CNTLN: variants seen among roughly 807,000 people sequenced by gnomAD.
The protein encoded by CNTLN is centlein.
CNTLN carries 212 observed loss-of-function variants against 180.0 expected under a neutral mutation model. The observed-to-expected ratio is 1.18, with a 90% CI of 1.05 to 1.32. The LOEUF is 1.32. Among genes scored for constraint, CNTLN ranks in the 40% most tolerant of loss-of-function variants. CNTLN has a pLI of 0.00. For synonymous variants in CNTLN, 722 were observed against 563.1 expected (o/e 1.28, Z -3.99); for missense variants, 2,095 against 1,610.9 (o/e 1.30, Z -5.14).
At chr9:17,194,978 A>C (rs1034919858) in intron 2 of CNTLN, among the ~76,000 whole-genome samples, 3 of 152,158 alleles carry the variant, frequency 2.0e-5, no homozygotes, top group African/African-American at 7.2e-5. Flanking sequence ...ATTCACTACC[A>C]TGAGAACAGT....
At chr9:17,161,046 TG>T (rs2131586111) in intron 2 of CNTLN, among the ~76,000 whole-genome samples, 1 of 152,276 alleles carries the variant, frequency 6.6e-6, no homozygotes, top group East Asian at 1.9e-4. Context: ...AATACTATAA[TG>T]ATATTCATAT....
intron 17 of CNTLN, 37 bp downstream of exon 17, chr9:17,415,918 C>T (rs770563074): frequency 6.3e-7 from 1 of 1,584,882 alleles, no homozygotes; most frequent in Non-Finnish European, 8.6e-7. Flanking sequence ...ATGTCTTTTA[C>T]AATTTAAATC....
At chr9:17,144,666 TATAA>T (rs1432428996) in intron 2 of CNTLN, among the ~76,000 whole-genome samples, 1 of 151,574 alleles carries the variant, frequency 6.6e-6, no homozygotes, top group African/African-American at 2.4e-5. Flanking sequence ...ACATAAAATT[TATAA>T]ATAAATGTAC....
intron 13 of CNTLN, among the ~76,000 whole-genome samples, chr9:17,370,949 C>G (rs1166271158): frequency 6.6e-6 from 1 of 151,870 alleles, no homozygotes; most frequent in African/African-American, 2.4e-5. Flanking sequence ...AAAAACCATA[C>G]AGTGGCTACG....
chr9:17,510,011 C>G, the CNTLN span, among the ~76,000 whole-genome samples: 15 of 152,114 alleles, frequency 9.9e-5, no homozygotes, highest in African/African-American at 3.6e-4. Context: ...GACTACTACT[C>G]TACAATGGAG....
chr9:17,214,915 A>G (rs905962638), intron 2 of CNTLN, among the ~76,000 whole-genome samples: 1 of 152,190 alleles, frequency 6.6e-6, no homozygotes, highest in East Asian at 1.9e-4. Context: ...AGGTCATTTA[A>G]GGACTTCTGT....
intron 5 of CNTLN, among the ~76,000 whole-genome samples, chr9:17,268,100 AGGAGAGGTGCTCT>A (rs1827630643): frequency 6.6e-6 from 1 of 152,086 alleles, no homozygotes; most frequent in African/African-American, 2.4e-5. Flanking sequence ...CCTTTGGAGG[AGGAGAGGTGCTCT>A]GGTTTTTAGA....
At chr9:17,197,032 C>G (rs546251039) in intron 2 of CNTLN, among the ~76,000 whole-genome samples, 3 of 152,260 alleles carry the variant, frequency 2.0e-5, no homozygotes, top group Non-Finnish European at 2.9e-5. Context: ...TCATTCTGCT[C>G]TCTGTCTCCA....
At position 17,481,759 on chromosome 9, in the gene CNTLN, G is replaced by A. The variant is rs140290798; in HGVS notation, c.3856-2536G>A. On this transcript the variant is annotated intron_variant, in intron 23 of 25. Coordinates refer to ENST00000380647, the MANE Select transcript of CNTLN (RefSeq NM_017738.4). ...CATAGCCTGTGATCCTGCCCAACAGGAAGCAATTCTAGAGCCTAGCCAGCA... is the reference window on the plus strand; with the variant it reads ...CATAGCCTGTGATCCTGCCCAACAGAAAGCAATTCTAGAGCCTAGCCAGCA... 9.1e-3 allele frequency among the ~76,000 whole-genome samples: 1,385 copies of A among 152,278 alleles called. 16 individuals are homozygous for A. Among genetic ancestry groups the A allele is most frequent in the African/African-American group, 0.032 (1,321 of 41,556 alleles).
chr9:17,460,527 G>A (rs1831389931), intron 19 of CNTLN, among the ~76,000 whole-genome samples: 1 of 151,678 alleles, frequency 6.6e-6, no homozygotes, highest in African/African-American at 2.4e-5. Context: ...CCTGGTCAAG[G>A]AAATTACTTA....
At chr9:17,485,855 A>G (rs1429922098) in intron 24 of CNTLN, among the ~76,000 whole-genome samples, 1 of 152,146 alleles carries the variant, frequency 6.6e-6, no homozygotes, top group African/African-American at 2.4e-5. Flanking sequence ...TCTTTGAATG[A>G]GCAAATCAGA....
chr9:17,411,789 C>G, intron 16 of CNTLN, among the ~76,000 whole-genome samples: 1 of 152,036 alleles, frequency 6.6e-6, no homozygotes, highest in East Asian at 1.9e-4. Flanking sequence ...CCTCCCCGAC[C>G]CACTCCACCC....
chr9:17,463,813 A>G (rs769905662), intron 20 of CNTLN, among the ~76,000 whole-genome samples: 2 of 151,592 alleles, frequency 1.3e-5, no homozygotes, highest in Admixed American at 1.3e-4. Context: ...GCCTAAATTT[A>G]ATAATATTAA....
At chr9:17,141,146 G>T (rs1340142851) in intron 1 of CNTLN, among the ~76,000 whole-genome samples, 5 of 152,176 alleles carry the variant, frequency 3.3e-5, no homozygotes, top group Non-Finnish European at 7.3e-5. Context: ...ATAAGGCAAG[G>T]GAGGTTGGTC....
chr9:17,290,445 G>A (rs886745933), intron 6 of CNTLN, among the ~76,000 whole-genome samples: 1 of 148,676 alleles, frequency 6.7e-6, no homozygotes, highest in African/African-American at 2.5e-5. Flanking sequence ...GTCTGCAGAG[G>A]TTACTGCTGT....
chr9:17,211,223 A>G (rs1823280575), intron 2 of CNTLN, among the ~76,000 whole-genome samples: 1 of 152,092 alleles, frequency 6.6e-6, no homozygotes, highest in South Asian at 2.1e-4. Flanking sequence ...CTCTTGAATT[A>G]ATTTTAGTAC....
At chr9:17,450,686 T>C (rs1830730949) in intron 18 of CNTLN, among the ~76,000 whole-genome samples, 1 of 152,182 alleles carries the variant, frequency 6.6e-6, no homozygotes, top group Admixed American at 6.5e-5. Context: ...TACCTTCATT[T>C]GCTTGACATT....
chr9:17,291,334 G>T (rs920251398), intron 6 of CNTLN, among the ~76,000 whole-genome samples: 3 of 152,128 alleles, frequency 2.0e-5, no homozygotes, highest in Non-Finnish European at 2.9e-5. Context: ...ACTTGATCCA[G>T]AGCTTAGTTC....
chr9:17,249,939 T>C (rs6475124), intron 5 of CNTLN, among the ~76,000 whole-genome samples: 28,422 of 148,086 alleles, frequency 0.19, 3,380 homozygotes, highest in African/African-American at 0.33. Flanking sequence ...TTAATAACCT[T>C]CCATGTAGAT....
Sources: gnomAD v4.1 joint callset for allele counts (sites outside exome capture counted in the v4.1 genomes callset) on GRCh38, gnomAD v4.1.1 for gene constraint, MANE v1.5 for transcripts, NCBI Gene and HGNC (gene_info 2026-07-23, HGNC 2026-07-21) for gene names.